Variants in UBE2E1 observed in about 807,000 individuals in gnomAD.
The protein encoded by UBE2E1 is ubiquitin conjugating enzyme E2 E1, also known as ubiquitin-conjugating enzyme E2 E1.
A neutral mutation model predicts 21.4 loss-of-function variants in UBE2E1; 6 were observed. That is an observed-to-expected ratio of 0.28 (90% CI 0.15 to 0.55). UBE2E1 has a LOEUF of 0.55. Among genes scored for constraint, UBE2E1 ranks in the 20% least tolerant of loss-of-function variants. The pLI, the probability that UBE2E1 is intolerant of heterozygous loss-of-function variation, is 0.93. For missense variants in UBE2E1, 142 were observed against 236.5 expected (o/e 0.60, Z 2.62); for synonymous variants, 87 against 82.7 (o/e 1.05, Z -0.28).
In UBE2E1 at chr3:23,806,356, G is replaced by C. The variant is rs1699267144; in HGVS notation, c.-34+268G>C. 1.3e-5 allele frequency among the ~76,000 whole-genome samples: 2 copies of C among 151,336 alleles called. No individual in the cohort carries two copies. Among genetic ancestry groups the C allele is most frequent in the South Asian group, 4.2e-4 (2 of 4,816 alleles). On this transcript the variant is annotated intron_variant, in intron 1 of 5. Transcript: ENST00000306627. This position sits in a 1 kb window ranked among gnomAD's most constrained non-coding sequence, Gnocchi z 6.5. ...CATTGTGGCTCGAACTGTCAGCGCT[G>C]CCCCAAGAGCCCCCCACTGGCCACC...
intron 3 of UBE2E1, among the ~76,000 whole-genome samples, chr3:23,854,488 C>T (rs78133613): frequency 0.05 from 7,590 of 152,224 alleles, 278 homozygotes; most frequent in South Asian, 0.074. Context: ...ACTGTCTGTC[C>T]CTTCGGGTCC....
rs553418058 is a variant in UBE2E1 at position 23,890,756 on chromosome 3, AACTT to A, written c.*152_*155del. 2.2e-3 allele frequency: 1,449 copies of A among 652,428 alleles called. 3 individuals are homozygous for A. The highest frequency in any genetic ancestry group is 2.9e-3 in the Non-Finnish European group (1,252 of 424,430). 40.4% of individuals were successfully genotyped at this position (652,428 alleles called of 1,614,324 possible). A position where few individuals can be genotyped will look rare whatever the true frequency, so the allele number is the denominator to read the frequency against. On this transcript the variant is annotated 3_prime_UTR_variant, in exon 6 of 6. Coordinates refer to ENST00000306627, the MANE Select transcript of UBE2E1 (RefSeq NM_003341.5). ...GTCTTATTTCCTAAGATTTTGTTGT[AACTT>A]AAGGTATCTTGCTACAGTAGACAGA...
At chr3:23,828,498 G>A (rs559503110) in intron 3 of UBE2E1, among the ~76,000 whole-genome samples, 7 of 152,180 alleles carry the variant, frequency 4.6e-5, no homozygotes, top group South Asian at 2.1e-4. Flanking sequence ...AGTGCTAATC[G>A]AAGCAGTTGC....
intron 3 of UBE2E1, among the ~76,000 whole-genome samples, chr3:23,858,850 A>G (rs1700494881): frequency 6.6e-6 from 1 of 152,142 alleles, no homozygotes; most frequent in South Asian, 2.1e-4. Context: ...ATCTGCTTAC[A>G]TGTGAGGGAG....
At position 23,860,373 on chromosome 3, in the gene UBE2E1, C is replaced by T. The variant is rs558827269; in HGVS notation, c.204-27194C>T. 2.0e-5 allele frequency among the ~76,000 whole-genome samples: 3 copies of T among 152,298 alleles called. No homozygotes were observed. The South Asian group carries it at 6.2e-4, about 32-fold the overall frequency. On this transcript the variant is annotated intron_variant, in intron 3 of 5. Coordinates refer to ENST00000306627, the MANE Select transcript of UBE2E1 (RefSeq NM_003341.5). ...AGCAATGTTTTAGCTGGTATGCTTC[C>T]TTGTGGCTTTGTGGGGCTCATTGTT...
chr3:23,867,623 A>G (rs942541336), intron 3 of UBE2E1, among the ~76,000 whole-genome samples: 1 of 152,128 alleles, frequency 6.6e-6, no homozygotes, highest in African/African-American at 2.4e-5. Flanking sequence ...CCCCTGTCTC[A>G]TTTCAAAATC....
chr3:23,811,392 G>A, intron 2 of UBE2E1, 68 bp from the exon 3 acceptor site: 1 of 1,471,488 alleles, frequency 6.8e-7, no homozygotes, highest in Non-Finnish European at 9.5e-7. Flanking sequence ...AGACCTGCAC[G>A]CTACAGGTGG....
chr3:23,869,419 CTGTG>C lies in UBE2E1; in HGVS notation c.204-18126_204-18123del, dbSNP rs4024641. Among the ~76,000 whole-genome samples the C allele has an allele frequency of 7.3e-3, 963 of 132,550 alleles. 6 individuals are homozygous for C. The highest frequency in any genetic ancestry group is 0.011 in the Non-Finnish European group (722 of 64,558). The allele number at this position is 132,550 out of a possible 152,430, so 87.0% of individuals were successfully genotyped here. A position where few individuals can be genotyped will look rare whatever the true frequency, so the allele number is the denominator to read the frequency against. On this transcript the variant is annotated intron_variant, in intron 3 of 5. Coordinates refer to ENST00000306627, the MANE Select transcript of UBE2E1 (RefSeq NM_003341.5). ...TGTAGTCAGATCTGTTGGTCTTTTC[CTGTG>C]TGTGTGTGTGTGTGTGTGTGTTAAC...
Position 23,883,688 on chromosome 3 carries a change from C to T in UBE2E1, c.204-3879C>T, listed in dbSNP as rs185663954. Among the ~76,000 whole-genome samples, 533 of 152,138 alleles carry T rather than the reference C, an allele frequency of 3.5e-3. 2 individuals carry two copies. The highest frequency in any genetic ancestry group is 0.012 in the African/African-American group (487 of 41,504). On this transcript the variant is annotated intron_variant, in intron 3 of 5. Transcript: ENST00000306627. ...ATCCCAGCACTTTGGCAGGCTGAGG[C>T]AGTCGGATCACAAGGTCAGGAGTTT...
At position 23,818,529 on chromosome 3, in the gene UBE2E1, CG is replaced by C. The variant is rs546245245; in HGVS notation, c.203+7020del. ...GATGTTAAAAGAATGATACAGCAAG[CG>C]CCCACCCTTCACCGTGATTCCTCAG... On this transcript the variant is annotated intron_variant, in intron 3 of 5. Coordinates refer to ENST00000306627, the MANE Select transcript of UBE2E1 (RefSeq NM_003341.5). Among the ~76,000 whole-genome samples, 12 of 152,292 alleles carry C rather than the reference CG, an allele frequency of 7.9e-5. No homozygotes were observed. The South Asian group carries it at 2.5e-3, about 32-fold the overall frequency.
chr3:23,877,183 C>T (rs1329284278), intron 3 of UBE2E1, among the ~76,000 whole-genome samples: 1 of 152,100 alleles, frequency 6.6e-6, no homozygotes, highest in Non-Finnish European at 1.5e-5. Flanking sequence ...GGATGGATGC[C>T]GATGTTGCTT....
intron 3 of UBE2E1, among the ~76,000 whole-genome samples, chr3:23,848,680 A>T (rs530682759): frequency 6.6e-6 from 1 of 152,340 alleles, no homozygotes; most frequent in South Asian, 2.1e-4. Context: ...GATATGGGAG[A>T]AATCAAGTGG....
At chr3:23,844,944 A>T (rs1023371922) in intron 3 of UBE2E1, among the ~76,000 whole-genome samples, 1 of 152,154 alleles carries the variant, frequency 6.6e-6, no homozygotes, top group Non-Finnish European at 1.5e-5. Flanking sequence ...TTTAATATAT[A>T]ATATATAATT....
At chr3:23,844,023 A>G (rs1261583075) in intron 3 of UBE2E1, among the ~76,000 whole-genome samples, 1 of 152,082 alleles carries the variant, frequency 6.6e-6, no homozygotes, top group African/African-American at 2.4e-5. Context: ...TTATGCTCTT[A>G]GGGCTCCTTT....
At chr3:23,871,046 G>A (rs916181027) in intron 3 of UBE2E1, among the ~76,000 whole-genome samples, 512 of 152,006 alleles carry the variant, frequency 3.4e-3, no homozygotes, top group African/African-American at 0.012. Context: ...TCTTAGTACA[G>A]AACAAAATGA....
chr3:23,882,977 G>T (rs1225058670), intron 3 of UBE2E1, among the ~76,000 whole-genome samples: 4 of 152,198 alleles, frequency 2.6e-5, no homozygotes, highest in Non-Finnish European at 4.4e-5. Context: ...ACAGAGAGGG[G>T]CTCCCACAGT....
rs1700107369 is a variant in UBE2E1 at position 23,842,244 on chromosome 3, TG to T, written c.203+30735del. 1.6e-5 allele frequency among the ~76,000 whole-genome samples: 1 copy of T among 62,454 alleles called. No individual in the cohort carries two copies. The highest frequency in any genetic ancestry group is 6.6e-5 in the African/African-American group (1 of 15,248). The allele number at this position is 62,454 out of a possible 152,430, so 41.0% of individuals were successfully genotyped here. ...GTGTGTGTGTGTGTGTGTGTGTGTG[TG>T]TGTGGTGTTGTTGTTGTTGGCGACA... On this transcript the variant is annotated intron_variant, in intron 3 of 5. Coordinates refer to ENST00000306627, the MANE Select transcript of UBE2E1 (RefSeq NM_003341.5). This position sits in a 1 kb window ranked among gnomAD's most constrained non-coding sequence, Gnocchi z 4.6.
intron 5 of UBE2E1, 122 bp downstream of exon 5, chr3:23,889,381 G>A (rs750171575): frequency 1.6e-5 from 24 of 1,527,508 alleles, no homozygotes; most frequent in Non-Finnish European, 2.1e-5. Flanking sequence ...AAAACTAATC[G>A]GCTTTTCAAA....
At chr3:23,840,112 G>A (rs1700054768) in intron 3 of UBE2E1, among the ~76,000 whole-genome samples, 1 of 152,000 alleles carries the variant, frequency 6.6e-6, no homozygotes, top group Non-Finnish European at 1.5e-5. Context: ...AATCTCAGTT[G>A]TTGTATTTCT....
Sources: allele counts gnomAD v4.1 joint callset (sites outside exome capture counted in the v4.1 genomes callset), GRCh38; gene constraint gnomAD v4.1.1; non-coding constraint Gnocchi (gnomAD v3.1); transcripts MANE v1.5; gene names NCBI Gene and HGNC (gene_info 2026-07-23, HGNC 2026-07-21).